The following JAKMIP1 variants were observed in gnomAD, a reference collection of about 807,000 sequenced individuals.
JAKMIP1 encodes the protein janus kinase and microtubule-interacting protein 1.
In JAKMIP1, 33 loss-of-function variants were observed where a neutral mutation model predicts 113.0. The observed-to-expected ratio is 0.29, with a 90% CI of 0.22 to 0.39. The LOEUF (loss-of-function observed/expected upper bound fraction) is 0.39, where lower values mean the gene tolerates loss of function less well. JAKMIP1 is among the 10% of genes least tolerant of loss of function. The probability of loss-of-function intolerance (pLI) is 1.00; values close to 1 mark genes in which losing one functional copy is unlikely to be tolerated. For synonymous variants in JAKMIP1, 480 were observed against 459.9 expected (o/e 1.04, Z -0.56); for missense variants, 813 against 1,080.5 (o/e 0.75, Z 3.47).
At chr4:6,060,826 C>G (rs970897179) in intron 10 of JAKMIP1, among the ~76,000 whole-genome samples, 1 of 152,258 alleles carries the variant, frequency 6.6e-6, no homozygotes, top group East Asian at 1.9e-4. Flanking sequence ...GCCAGCCACA[C>G]TGGGGGCCCA....
chr4:6,114,501 GA>G (rs1715441362), intron 1 of JAKMIP1, among the ~76,000 whole-genome samples: 1 of 152,206 alleles, frequency 6.6e-6, no homozygotes, highest in Admixed American at 6.5e-5. Context: ...GCAAGTTGCA[GA>G]TGCTCGGTGG....
chr4:6,182,084 G>T (rs1241304354), intron 1 of JAKMIP1, among the ~76,000 whole-genome samples: 1 of 152,088 alleles, frequency 6.6e-6, no homozygotes, highest in African/African-American at 2.4e-5. Context: ...GGTCATCAGG[G>T]TGAAGCCCTC....
At position 6,051,168 on chromosome 4, in the gene JAKMIP1, G is replaced by T. The variant is rs948143821; in HGVS notation, c.1807-489C>A. On this transcript the variant is annotated intron_variant, in intron 13 of 20. Coordinates refer to ENST00000409021, the MANE Select transcript of JAKMIP1 (RefSeq NM_001099433.2). This position sits in a 1 kb window ranked among gnomAD's most constrained non-coding sequence, Gnocchi z 5.0. ...AGGGAGGCTGTGTCTGAGGTCCCAC[G>T]CTAGCAAGCGGCAGGGCCAGGACCC... Among the ~76,000 whole-genome samples, 1 of 152,004 alleles carries T rather than the reference G, an allele frequency of 6.6e-6. No individual in the cohort carries two copies. The highest frequency in any genetic ancestry group is 2.4e-5 in the African/African-American group (1 of 41,374).
chr4:6,036,541 T>C (rs1713466859), intron 18 of JAKMIP1, among the ~76,000 whole-genome samples: 1 of 152,208 alleles, frequency 6.6e-6, no homozygotes. Context: ...CATTTGGTTT[T>C]CAGCTGCCTT....
At chr4:6,125,792 A>G (rs1372931456) in intron 1 of JAKMIP1, among the ~76,000 whole-genome samples, 1 of 138,976 alleles carries the variant, frequency 7.2e-6, no homozygotes, top group African/African-American at 3.0e-5. Context: ...AAACACACAC[A>G]CACCATACAG....
At position 6,168,209 on chromosome 4, in the gene JAKMIP1, C is replaced by G. The variant is rs1225751075; in HGVS notation, c.-148+32044G>C. Among the ~76,000 whole-genome samples the G allele has an allele frequency of 1.3e-5, 2 of 152,202 alleles. No homozygotes were observed. Among genetic ancestry groups the G allele is most frequent in the African/African-American group, 4.8e-5 (2 of 41,458 alleles). Reference sequence around the variant, plus strand: ...CTGGTGGGGTCATGAAATGATGCAGCCACTTTGGAAAACAGTCTGGTGGTT... The same window carrying G: ...CTGGTGGGGTCATGAAATGATGCAGGCACTTTGGAAAACAGTCTGGTGGTT... On this transcript the variant is annotated intron_variant, in intron 1 of 20. Transcript: ENST00000409021. This position sits in a 1 kb window ranked among gnomAD's most constrained non-coding sequence, Gnocchi z 4.6.
rs1340865323 is a variant in JAKMIP1 at position 6,069,298 on chromosome 4, C to T, written c.1303-4290G>A. ...TCTTCTAAGAGTCTCTAGGTTTTTC[C>T]TCACAAGAGATACATTAGGAGCAAA... On this transcript the variant is annotated intron_variant, in intron 8 of 20. Coordinates refer to ENST00000409021, the MANE Select transcript of JAKMIP1 (RefSeq NM_001099433.2). The surrounding 1 kb of genome is among the most constrained non-coding windows in gnomAD (Gnocchi z 4.5). 6.6e-6 allele frequency among the ~76,000 whole-genome samples: 1 copy of T among 152,180 alleles called. No homozygotes were observed.
chr4:6,049,656 C>G lies in JAKMIP1; in HGVS notation c.1962+163G>C, dbSNP rs1715417816. Among the ~76,000 whole-genome samples the G allele has an allele frequency of 6.6e-6, 1 of 152,052 alleles. No homozygotes were observed. The highest frequency in any genetic ancestry group is 2.4e-5 in the African/African-American group (1 of 41,374). ...AACCCCACTTCTGACGAATGCCAAC[C>G]CCACCACCCACACAGGAACACGGCC... is the stretch of plus-strand genomic sequence containing the variant. On this transcript the variant is annotated intron_variant, in intron 15 of 20. Coordinates refer to ENST00000409021, the MANE Select transcript of JAKMIP1 (RefSeq NM_001099433.2). The surrounding 1 kb of genome is among the most constrained non-coding windows in gnomAD (Gnocchi z 7.0).
At chr4:6,163,626 T>C (rs1723225321) in intron 1 of JAKMIP1, among the ~76,000 whole-genome samples, 2 of 152,138 alleles carry the variant, frequency 1.3e-5, no homozygotes, top group South Asian at 2.1e-4. Flanking sequence ...CTAGACACAA[T>C]GAAGCTTCAT....
intron 1 of JAKMIP1, among the ~76,000 whole-genome samples, chr4:6,182,978 G>A (rs1022508642): frequency 2.6e-5 from 4 of 152,190 alleles, no homozygotes; most frequent in Non-Finnish European, 4.4e-5. Flanking sequence ...AGCTCCCAAG[G>A]CAGCCCTTCC....
chr4:6,163,121 CTG>C (rs1441442685), intron 1 of JAKMIP1, among the ~76,000 whole-genome samples: 4 of 152,228 alleles, frequency 2.6e-5, no homozygotes, highest in Non-Finnish European at 5.9e-5. Flanking sequence ...ATGATGGAGG[CTG>C]TGTTAGTTTC....
chr4:6,098,670 GAGAAAGAAAGAAAGAA>G (rs757166386), intron 3 of JAKMIP1, among the ~76,000 whole-genome samples: 3 of 100,406 alleles, frequency 3.0e-5, no homozygotes, highest in African/African-American at 1.5e-4. Context: ...AAGAAAGAGA[GAGAAAGAAAGAAAGAA>G]AGAAAGAAAG....
At chr4:6,101,685 G>A (rs112459893) in intron 3 of JAKMIP1, among the ~76,000 whole-genome samples, 5,424 of 141,152 alleles carry the variant, frequency 0.038, 190 homozygotes, top group Middle Eastern at 0.093. Context: ...TCAGGAGTTC[G>A]AGACCAACCT....
At chr4:6,121,662 C>G (rs986203935) in intron 1 of JAKMIP1, among the ~76,000 whole-genome samples, 1 of 152,224 alleles carries the variant, frequency 6.6e-6, no homozygotes, top group African/African-American at 2.4e-5. Context: ...TCGGCACACG[C>G]CATCTACTCC....
In JAKMIP1 at chr4:6,049,054, G is replaced by C. The variant is rs556224175; in HGVS notation, c.1963-132C>G. 1.5e-6 allele frequency: 1 copy of C among 681,712 alleles called. No individual in the cohort carries two copies. The highest frequency in any genetic ancestry group is 1.8e-5 in the African/African-American group (1 of 56,096). The allele number at this position is 681,712 out of a possible 1,614,324, so 42.2% of individuals were successfully genotyped here. On this transcript the variant is annotated intron_variant, in intron 15 of 20. Coordinates refer to ENST00000409021, the MANE Select transcript of JAKMIP1 (RefSeq NM_001099433.2). The surrounding 1 kb of genome is among the most constrained non-coding windows in gnomAD (Gnocchi z 7.0). ...TTATGTTTGTTTGTTTTGAGACGGA[G>C]TCTCTCTCTGTCACCTGGGTTTGAG...
rs1191246115 is a variant in JAKMIP1 at position 6,154,144 on chromosome 4, TGC to T, written c.-147-41149_-147-41148del. ...TGTGTCCTGCAGAGCTGATAAACCCTGCACTCAGGGAGACACTGACCCTCGCA... is the reference window on the plus strand; with the variant it reads ...TGTGTCCTGCAGAGCTGATAAACCCTACTCAGGGAGACACTGACCCTCGCA... On this transcript the variant is annotated intron_variant, in intron 1 of 20. Transcript: ENST00000409021. This position sits in a 1 kb window ranked among gnomAD's most constrained non-coding sequence, Gnocchi z 4.2. Among the ~76,000 whole-genome samples, 1 of 152,128 alleles carries T rather than the reference TGC, an allele frequency of 6.6e-6. No homozygotes were observed. The highest frequency in any genetic ancestry group is 2.4e-5 in the African/African-American group (1 of 41,408).
At chr4:6,126,525 C>T (rs1429869702) in intron 1 of JAKMIP1, among the ~76,000 whole-genome samples, 1 of 150,666 alleles carries the variant, frequency 6.6e-6, no homozygotes, top group Non-Finnish European at 1.5e-5. Flanking sequence ...CATGCACACA[C>T]ACCATACAGA....
At chr4:6,032,388 G>A (rs1461890264) in intron 19 of JAKMIP1, among the ~76,000 whole-genome samples, 4 of 152,168 alleles carry the variant, frequency 2.6e-5, no homozygotes, top group African/African-American at 9.7e-5. Context: ...GTGGGTAAGA[G>A]TTTCCTCATC....
chr4:6,047,694 A>T (rs943065853), intron 16 of JAKMIP1, among the ~76,000 whole-genome samples: 1 of 152,252 alleles, frequency 6.6e-6, no homozygotes, highest in Non-Finnish European at 1.5e-5. Flanking sequence ...TGGGAAGGAA[A>T]CTATTTCTAT....
Sources: allele counts gnomAD v4.1 joint callset (sites outside exome capture counted in the v4.1 genomes callset), GRCh38; gene constraint gnomAD v4.1.1; non-coding constraint Gnocchi (gnomAD v3.1); transcripts MANE v1.5; gene names NCBI Gene and HGNC (gene_info 2026-07-23, HGNC 2026-07-21).